Variants in MARVELD3 observed in about 807,000 individuals in gnomAD.
MARVELD3 encodes the protein MARVEL domain-containing protein 3.
A neutral mutation model predicts 33.5 loss-of-function variants in MARVELD3; 28 were observed. The ratio of observed to expected loss-of-function variants is 0.84; its 90% CI spans 0.62 to 1.15. MARVELD3 has a LOEUF of 1.15. Among genes scored for constraint, MARVELD3 ranks in the 50% most tolerant of loss-of-function variants. The pLI, the probability that MARVELD3 is intolerant of heterozygous loss-of-function variation, is 0.00. For missense variants in MARVELD3, 582 were observed against 547.6 expected (o/e 1.06, Z -0.63); for synonymous variants, 241 against 230.4 (o/e 1.05, Z -0.42).
Position 71,635,406 on chromosome 16 carries a change from T to C in MARVELD3, c.*603T>C. Reference sequence around the variant, plus strand: ...ATGTACTACAACAGAGTGCACCTCTTCATTCAGTAAAGGGAGGTCACCAAG... The same window carrying C: ...ATGTACTACAACAGAGTGCACCTCTCCATTCAGTAAAGGGAGGTCACCAAG... On this transcript the variant is annotated 3_prime_UTR_variant, in exon 3 of 3. Coordinates refer to ENST00000268485, the MANE Select transcript of MARVELD3 (RefSeq NM_052858.6). The C allele has an allele frequency of 1.0e-6, 1 of 984,482 alleles. No homozygotes were observed. The highest frequency in any genetic ancestry group is 1.1e-4 in the East Asian group (1 of 8,732). The allele number at this position is 984,482 out of a possible 1,614,324, so 61.0% of individuals were successfully genotyped here.
At chr16:71,640,488 A>G, downstream of MARVELD3, 1 of 1,614,060 alleles carries the variant, frequency 6.2e-7, no homozygotes, top group Non-Finnish European at 8.5e-7. Flanking sequence ...CAGCTTTTCC[A>G]GCGGCGGTGG....
chr16:71,640,215 G>A (rs2044607042), downstream of MARVELD3, among the ~76,000 whole-genome samples: 1 of 150,604 alleles, frequency 6.6e-6, no homozygotes. Flanking sequence ...GTTGCAGTGA[G>A]CCAATCACAC....
chr16:71,641,152 G>A, downstream of MARVELD3: 1 of 1,245,692 alleles, frequency 8.0e-7, no homozygotes, highest in East Asian at 2.5e-5. Context: ...TTTGGACTGA[G>A]GCAAAGTTAA....
Position 71,634,936 on chromosome 16 carries a change from G to A in MARVELD3, c.*133G>A. The A allele has an allele frequency of 2.8e-6, 4 of 1,451,772 alleles. No individual in the cohort carries two copies. Among genetic ancestry groups the A allele is most frequent in the African/African-American group, 1.4e-5 (1 of 70,166 alleles). The allele number at this position is 1,451,772 out of a possible 1,614,324, so 89.9% of individuals were successfully genotyped here. A position where few individuals can be genotyped will look rare whatever the true frequency, so the allele number is the denominator to read the frequency against. Reference sequence around the variant, plus strand: ...GCGAGCCAGCGTTGGTGTGGTGGGCGGAGCTCCCAGTCGCATGGAGCGGTG... The same window carrying A: ...GCGAGCCAGCGTTGGTGTGGTGGGCAGAGCTCCCAGTCGCATGGAGCGGTG... On this transcript the variant is annotated 3_prime_UTR_variant, in exon 3 of 3. Transcript: ENST00000268485.
Position 71,626,298 on chromosome 16 carries a change from C to A in MARVELD3, c.69C>A (p.Pro23=). The change falls in exon 1 of 3, where the codon CCC becomes CCA. Residue 23 remains proline, a synonymous_variant. Coordinates refer to ENST00000268485, the MANE Select transcript of MARVELD3 (RefSeq NM_052858.6). This position sits in a 1 kb window ranked among gnomAD's most constrained non-coding sequence, Gnocchi z 5.3. ...RPRERDPGRR[P]HPDQGRTHDR... is the part of the protein sequence containing the mutation. ...GAGAGCGGGACCCGGGACGGCGCCC[C>A]CACCCAGACCAAGGCCGCACCCACG... 2 of 1,546,552 alleles carry A rather than the reference C, an allele frequency of 1.3e-6. No individual in the cohort carries two copies. The highest frequency in any genetic ancestry group is 1.7e-6 in the Non-Finnish European group (2 of 1,145,478).
At chr16:71,628,130 A>T (rs1423118796) in intron 1 of MARVELD3, among the ~76,000 whole-genome samples, 1 of 152,236 alleles carries the variant, frequency 6.6e-6, no homozygotes, top group Non-Finnish European at 1.5e-5. Flanking sequence ...GCCCAGATAC[A>T]GTCAAAGCTT....
downstream of MARVELD3, among the ~76,000 whole-genome samples, chr16:71,637,545 A>C (rs2044589612): frequency 6.6e-6 from 1 of 152,194 alleles, no homozygotes; most frequent in South Asian, 2.1e-4. Flanking sequence ...GTTTTAAATT[A>C]GAGGAATGTA....
At position 71,626,225 on chromosome 16, in the gene MARVELD3, C is replaced by G; in HGVS notation, c.-5C>G. On this transcript the variant is annotated 5_prime_UTR_variant, in exon 1 of 3. Coordinates refer to ENST00000268485, the MANE Select transcript of MARVELD3 (RefSeq NM_052858.6). The surrounding 1 kb of genome is among the most constrained non-coding windows in gnomAD (Gnocchi z 5.3). ...CGCTCCCGGGCGGGGACACGGAACCCGGCCATGGAAGATCCGTCGGGGGCT... is the reference window on the plus strand; with the variant it reads ...CGCTCCCGGGCGGGGACACGGAACCGGGCCATGGAAGATCCGTCGGGGGCT... 2.0e-6 allele frequency: 3 copies of G among 1,465,364 alleles called. No homozygotes were observed. Among genetic ancestry groups the G allele is most frequent in the Non-Finnish European group, 2.7e-6 (3 of 1,111,880 alleles). 90.8% of individuals were successfully genotyped at this position (1,465,364 alleles called of 1,614,324 possible).
chr16:71,636,363 G>T lies in MARVELD3; in HGVS notation c.*1560G>T, dbSNP rs192606785. On this transcript the variant is annotated 3_prime_UTR_variant, in exon 3 of 3. Transcript: ENST00000268485. Reference sequence around the variant, plus strand: ...GAAAATTTCTTGAAGAATAACATCAGAAAGTATTAAGTTTTGCTTTTGAAG... The same window carrying T: ...GAAAATTTCTTGAAGAATAACATCATAAAGTATTAAGTTTTGCTTTTGAAG... The T allele has an allele frequency of 4.1e-5, 7 of 169,762 alleles. No homozygotes were observed. The highest frequency in any genetic ancestry group is 6.0e-5 in the Non-Finnish European group (5 of 83,996). The allele number at this position is 169,762 out of a possible 1,614,324, so 10.5% of individuals were successfully genotyped here.
Position 71,635,143 on chromosome 16 carries a change from C to G in MARVELD3, c.*340C>G. On this transcript the variant is annotated 3_prime_UTR_variant, in exon 3 of 3. Transcript: ENST00000268485. The stretch of plus-strand genomic sequence containing the variant: ...AGGAGCTCGAGACCAGCTTGGCCAA[C>G]ATGGTGAGCCCCCGTCTCTACTAAA... 1 of 828,890 alleles carries G rather than the reference C, an allele frequency of 1.2e-6. No homozygotes were observed. The allele number at this position is 828,890 out of a possible 1,614,324, so 51.3% of individuals were successfully genotyped here. A position where few individuals can be genotyped will look rare whatever the true frequency, so the allele number is the denominator to read the frequency against.
downstream of MARVELD3, chr16:71,640,853 G>A (rs749376284): frequency 3.7e-6 from 6 of 1,614,078 alleles, no homozygotes; most frequent in African/African-American, 5.3e-5. Flanking sequence ...ACTGCCAGCT[G>A]GCAGGCACCG....
intron 2 of MARVELD3, 93 bp from the exon 3 acceptor site, chr16:71,634,100 G>A (rs2044558069): frequency 3.3e-6 from 5 of 1,529,000 alleles, no homozygotes; most frequent in Non-Finnish European, 4.4e-6. Context: ...GCCTTCAGGG[G>A]TCTGAGCCCT....
chr16:71,627,135 C>A (rs1313317919), intron 1 of MARVELD3, among the ~76,000 whole-genome samples: 1 of 152,246 alleles, frequency 6.6e-6, no homozygotes, highest in East Asian at 1.9e-4. Context: ...TTCCTTGTGG[C>A]CGGGCCGCCC....
intron 2 of MARVELD3, among the ~76,000 whole-genome samples, chr16:71,630,383 T>G (rs1032708346): frequency 1.3e-5 from 2 of 152,114 alleles, no homozygotes; most frequent in African/African-American, 4.8e-5. Context: ...CCCAGCACTT[T>G]GGGAGGCCAA....
At chr16:71,640,405 T>C (rs1187216712), downstream of MARVELD3, 2 of 1,614,118 alleles carry the variant, frequency 1.2e-6, no homozygotes, top group Admixed American at 1.7e-5. Flanking sequence ...GTGCAGATAG[T>C]GGAGGTGGTC....
Position 71,626,387 on chromosome 16 carries a change from G to A in MARVELD3, c.158G>A (p.Arg53Lys). The A allele has an allele frequency of 2.6e-6, 4 of 1,546,460 alleles. No homozygotes were observed. The highest frequency in any genetic ancestry group is 1.2e-5 in the South Asian group (1 of 83,860). ...RKRSSDGNRRRDGDRDPERDQ... is the reference protein window; with the variant it reads ...RKRSSDGNRRKDGDRDPERDQ... The stretch of plus-strand genomic sequence containing the variant: ...CGAAGCAGCGACGGGAACCGGCGAA[G>A]GGACGGGGACCGGGACCCGGAGAGA... Residue 53 changes from arginine (R) to lysine (K), a missense_variant, in exon 1 of 3, where the codon AGG becomes AAG. By Grantham distance (26) the Arg-to-Lys change is conservative (BLOSUM62 2). Transcript: ENST00000268485. The surrounding 1 kb of genome is among the most constrained non-coding windows in gnomAD (Gnocchi z 5.3).
At position 71,627,088 on chromosome 16, in the gene MARVELD3, T is replaced by C. The variant is rs1470609027; in HGVS notation, c.467+392T>C. On this transcript the variant is annotated intron_variant, in intron 1 of 2. Coordinates refer to ENST00000268485, the MANE Select transcript of MARVELD3 (RefSeq NM_052858.6). ...CCTTGGGGTTCAGACCCTTGTCCCG[T>C]GTTCCAGAGCCAGCCCTTCCCGACT... Among the ~76,000 whole-genome samples the C allele has an allele frequency of 3.3e-5, 5 of 152,300 alleles. 1 individual carries two copies. The highest frequency in any genetic ancestry group is 4.1e-4 in the South Asian group (2 of 4,832).
chr16:71,630,932 C>T (rs915502675), intron 2 of MARVELD3, among the ~76,000 whole-genome samples: 2 of 152,168 alleles, frequency 1.3e-5, no homozygotes, highest in Non-Finnish European at 2.9e-5. Flanking sequence ...CCCATTCTAG[C>T]GGTCTTGGCC....
chr16:71,640,600 G>C, downstream of MARVELD3: 1 of 1,614,216 alleles, frequency 6.2e-7, no homozygotes, highest in Non-Finnish European at 8.5e-7. Flanking sequence ...CTGATATACG[G>C]TGGCGTGGCT....
Sources: gnomAD v4.1 joint callset for allele counts (sites outside exome capture counted in the v4.1 genomes callset) on GRCh38, gnomAD v4.1.1 for gene constraint, Gnocchi (gnomAD v3.1) non-coding constraint, MANE v1.5 for transcripts, NCBI Gene and HGNC (gene_info 2026-07-23, HGNC 2026-07-21) for gene names.